The following ZNF618 variants were observed in gnomAD, a reference collection of about 807,000 sequenced individuals.
The protein encoded by ZNF618 is neural precursor cell expressed, developmentally down-regulated 10.
ZNF618 carries 34 observed loss-of-function variants against 103.0 expected under a neutral mutation model. That is an observed-to-expected ratio of 0.33 (90% confidence interval 0.25 to 0.44). ZNF618 has a LOEUF of 0.44. Ranked by LOEUF, ZNF618 falls within the 20% of genes least tolerant of loss-of-function variation. The pLI is 1.00. For missense variants in ZNF618, 1,059 were observed against 1,295.4 expected (o/e 0.82, Z 2.80); for synonymous variants, 551 against 542.2 (o/e 1.02, Z -0.23).
chr9:113,919,151 A>T (rs1440773245), intron 1 of ZNF618, among the ~76,000 whole-genome samples: 1 of 152,160 alleles, frequency 6.6e-6, no homozygotes, highest in Non-Finnish European at 1.5e-5. Flanking sequence ...GAAAGAGCCA[A>T]GAGTGTGAGC....
At chr9:114,035,905 C>G (rs886551608) in intron 12 of ZNF618, among the ~76,000 whole-genome samples, 4 of 152,192 alleles carry the variant, frequency 2.6e-5, no homozygotes, top group African/African-American at 9.7e-5. Flanking sequence ...CAAATAGTGA[C>G]CTCATGTGGT....
chr9:114,039,722 G>T (rs980562969), intron 13 of ZNF618, among the ~76,000 whole-genome samples: 2 of 152,164 alleles, frequency 1.3e-5, no homozygotes, highest in African/African-American at 2.4e-5. Context: ...TGTGAAGTGG[G>T]TTTATTGGTA....
intron 1 of ZNF618, among the ~76,000 whole-genome samples, chr9:113,963,762 A>G (rs1057156223): frequency 6.6e-6 from 1 of 152,346 alleles, no homozygotes; most frequent in Middle Eastern, 3.4e-3. Context: ...AACAGATTCA[A>G]CTATATTTGC....
chr9:113,912,175 AG>A (rs1309058139), intron 1 of ZNF618, among the ~76,000 whole-genome samples: 7 of 152,176 alleles, frequency 4.6e-5, no homozygotes, highest in African/African-American at 1.7e-4. Flanking sequence ...AGGAATGGTG[AG>A]GAGTGGCCAT....
At chr9:113,891,139 CGTGTGTAT>C (rs1461086468) in intron 1 of ZNF618, among the ~76,000 whole-genome samples, 1 of 151,980 alleles carries the variant, frequency 6.6e-6, no homozygotes, top group Non-Finnish European at 1.5e-5. Context: ...TTGGATTCTT[CGTGTGTAT>C]GTGTATATGT....
At chr9:114,031,902 T>C (rs1378264476) in intron 11 of ZNF618, among the ~76,000 whole-genome samples, 1 of 151,278 alleles carries the variant, frequency 6.6e-6, no homozygotes, top group Non-Finnish European at 1.5e-5. Flanking sequence ...TTCAATACCT[T>C]CTGCAGGTGG....
intron 13 of ZNF618, 83 bp downstream of exon 13, chr9:114,036,460 C>CTAA: frequency 2.1e-6 from 3 of 1,411,194 alleles, no homozygotes; most frequent in Non-Finnish European, 2.9e-6. Flanking sequence ...ACCTGAGGCC[C>CTAA]CTGGAGAAGG....
chr9:114,029,012 C>T, intron 11 of ZNF618, 40 bp downstream of exon 11: 2 of 1,529,410 alleles, frequency 1.3e-6, no homozygotes, highest in Non-Finnish European at 1.8e-6. Context: ...TTCTCCCCCA[C>T]TGCCCTTCTC....
At chr9:113,943,703 C>T (rs1258767299) in intron 1 of ZNF618, among the ~76,000 whole-genome samples, 6 of 151,984 alleles carry the variant, frequency 3.9e-5, no homozygotes, top group Admixed American at 3.3e-4. Context: ...ACCCGAAAGT[C>T]CCACTCCGGG....
intron 6 of ZNF618, 56 bp from the exon 7 acceptor site, chr9:114,007,294 C>T: frequency 6.5e-7 from 1 of 1,528,696 alleles, no homozygotes; most frequent in South Asian, 1.2e-5. Context: ...CCAGAAAAAC[C>T]CCACCCCACA....
rs1372938107 is a variant in ZNF618 at position 114,055,497 on chromosome 9, G to A, written c.*5330G>A. ...TTATTTTCAGTTGTTTTCTGATCCT[G>A]CCTTTTTCTTTTCCCCACAACTTCA... On this transcript the variant is annotated 3_prime_UTR_variant, in exon 15 of 15. Transcript: ENST00000374126. 3 of 152,606 alleles carry A rather than the reference G, an allele frequency of 2.0e-5. No individual in the cohort carries two copies. The highest frequency in any genetic ancestry group is 7.2e-5 in the African/African-American group (3 of 41,432). 9.5% of individuals were successfully genotyped at this position (152,606 alleles called of 1,614,324 possible).
rs1405669998 is a variant in ZNF618 at position 114,007,430 on chromosome 9, G to A, written c.631G>A (p.Ala211Thr). 41 of 1,612,948 alleles carry A rather than the reference G, an allele frequency of 2.5e-5. No individual in the cohort carries two copies. The highest frequency in any genetic ancestry group is 3.3e-5 in the Non-Finnish European group (39 of 1,179,740). Residue 211 changes from alanine to threonine, a missense_variant, in exon 7 of 15, where the codon GCA becomes ACA. Ala to Thr is a moderately conservative substitution (Grantham distance 58). Around this residue, in one of 6 missense-constraint regions of ZNF618, gnomAD observed 434 missense variants for 476.0 expected, o/e 0.91. Transcript: ENST00000374126. ...SCFQEHRDLH[A>T]VDVFSVEGAP... ...TTTCCAAGAGCACCGAGACCTGCAC[G>A]CAGTGGATGGTGAGTCAGGCCCCTC...
chr9:113,890,457 A>T (rs1043770286), intron 1 of ZNF618, among the ~76,000 whole-genome samples: 1 of 152,176 alleles, frequency 6.6e-6, no homozygotes, highest in African/African-American at 2.4e-5. Context: ...ATAGGTCTTC[A>T]TTATTATTTT....
At chr9:113,956,557 G>A (rs1382387933) in intron 1 of ZNF618, among the ~76,000 whole-genome samples, 1 of 152,262 alleles carries the variant, frequency 6.6e-6, no homozygotes, top group Admixed American at 6.5e-5. Flanking sequence ...ACATCCTTAG[G>A]CCTAGGTACT....
chr9:114,041,058 G>C (rs1311503677), intron 13 of ZNF618, among the ~76,000 whole-genome samples: 3 of 152,194 alleles, frequency 2.0e-5, no homozygotes, highest in African/African-American at 2.4e-5. Context: ...TTGTGGTTTT[G>C]ATTTGCATTT....
chr9:113,982,926 A>G (rs963544015), intron 2 of ZNF618, among the ~76,000 whole-genome samples: 2 of 152,236 alleles, frequency 1.3e-5, no homozygotes, highest in Non-Finnish European at 2.9e-5. Flanking sequence ...ACCGGTGACC[A>G]CGGATAGCAG....
At chr9:113,958,700 C>CT (rs914009073) in intron 1 of ZNF618, among the ~76,000 whole-genome samples, 1 of 152,222 alleles carries the variant, frequency 6.6e-6, no homozygotes, top group African/African-American at 2.4e-5. Context: ...CTGCTGGCTT[C>CT]TTTCTTCCTG....
intron 1 of ZNF618, among the ~76,000 whole-genome samples, chr9:113,922,504 G>T (rs1832740102): frequency 6.7e-6 from 1 of 149,664 alleles, no homozygotes; most frequent in Non-Finnish European, 1.5e-5. Context: ...TTTGCATGCG[G>T]ATGCCCAGTT....
At chr9:113,928,506 G>C (rs543163062) in intron 1 of ZNF618, among the ~76,000 whole-genome samples, 1 of 152,140 alleles carries the variant, frequency 6.6e-6, no homozygotes, top group Non-Finnish European at 1.5e-5. Flanking sequence ...CAGACCTGAC[G>C]TATCTATTAA....
Sources: gnomAD v4.1 joint callset for allele counts (sites outside exome capture counted in the v4.1 genomes callset) on GRCh38, gnomAD v4.1.1 for gene constraint, gnomAD v4.1.1 regional missense constraint, MANE v1.5 for transcripts, NCBI Gene and HGNC (gene_info 2026-07-23, HGNC 2026-07-21) for gene names.